The following GRIP1 variants were observed in gnomAD, a reference collection of about 807,000 sequenced individuals.
GRIP1 encodes the protein glutamate receptor interacting protein 1.
GRIP1 carries 45 observed loss-of-function variants against 129.9 expected under a neutral mutation model. The ratio of observed to expected loss-of-function variants is 0.35; its 90% CI spans 0.27 to 0.44. GRIP1 has a LOEUF of 0.44. GRIP1 is among the 20% of genes least tolerant of loss of function. The pLI, the probability that GRIP1 is intolerant of heterozygous loss-of-function variation, is 1.00. For synonymous variants in GRIP1, 530 were observed against 520.8 expected (o/e 1.02, Z -0.24); for missense variants, 1,196 against 1,396.8 (o/e 0.86, Z 2.29).
chr12:67,065,162 T>C (rs922323623), intron 1 of GRIP1: 1 of 151,006 alleles, frequency 6.6e-6, no homozygotes, highest in African/African-American at 2.4e-5. Context: ...GGTCCAAATA[T>C]CCACAAAAAA....
intron 2 of GRIP1, among the ~76,000 whole-genome samples, chr12:66,554,089 A>C (rs2062234358): frequency 6.6e-6 from 1 of 152,064 alleles, no homozygotes; most frequent in African/African-American, 2.4e-5. Flanking sequence ...TGGCTAAGGG[A>C]GTGCTTGCAC....
intron 7 of GRIP1, among the ~76,000 whole-genome samples, chr12:66,496,117 A>C (rs1320679810): frequency 6.6e-6 from 1 of 152,170 alleles, no homozygotes; most frequent in Admixed American, 6.5e-5. Flanking sequence ...CCACAAGCTT[A>C]AATGTGCCAG....
intron 7 of GRIP1, 74 bp from the exon 8 acceptor site, chr12:66,465,496 A>C: frequency 7.7e-7 from 1 of 1,290,890 alleles, no homozygotes; most frequent in Non-Finnish European, 1.1e-6. Flanking sequence ...AGAGATGAAG[A>C]ATATTCAGTT....
At chr12:66,953,948 G>T (rs1356285309) in intron 1 of GRIP1, among the ~76,000 whole-genome samples, 1 of 152,052 alleles carries the variant, frequency 6.6e-6, no homozygotes, top group Non-Finnish European at 1.5e-5. Flanking sequence ...GATTTCAACA[G>T]TGCTTTCCGA....
At chr12:67,061,102 T>C (rs550717157) in intron 1 of GRIP1, among the ~76,000 whole-genome samples, 6 of 152,352 alleles carry the variant, frequency 3.9e-5, no homozygotes, top group South Asian at 4.1e-4. Flanking sequence ...ACTTGAGTTA[T>C]TTTGTTACAA....
chr12:66,923,616 C>T (rs1253563948), intron 1 of GRIP1, among the ~76,000 whole-genome samples: 1 of 152,158 alleles, frequency 6.6e-6, no homozygotes, highest in Non-Finnish European at 1.5e-5. Flanking sequence ...ACAGCCGCCT[C>T]CACCAAATCC....
At chr12:66,796,277 A>G (rs919572335) in intron 1 of GRIP1, among the ~76,000 whole-genome samples, 1 of 151,686 alleles carries the variant, frequency 6.6e-6, no homozygotes, top group Non-Finnish European at 1.5e-5. Context: ...TTAAATCTAC[A>G]TTTTTCCTAT....
intron 1 of GRIP1, among the ~76,000 whole-genome samples, chr12:66,610,278 A>G (rs929710171): frequency 2.6e-5 from 4 of 152,144 alleles, no homozygotes; most frequent in Non-Finnish European, 5.9e-5. Flanking sequence ...AGATACACAC[A>G]TACACTTATA....
intron 2 of GRIP1, among the ~76,000 whole-genome samples, chr12:66,590,224 A>C (rs1283110214): frequency 6.6e-6 from 1 of 152,220 alleles, no homozygotes; most frequent in African/African-American, 2.4e-5. Context: ...ATCAAAGCAC[A>C]GTCACCACAA....
intron 1 of GRIP1, among the ~76,000 whole-genome samples, chr12:66,989,217 G>A (rs1426313709): frequency 1.3e-5 from 2 of 152,170 alleles, no homozygotes; most frequent in African/African-American, 4.8e-5. Flanking sequence ...GTGTTAATCT[G>A]ATACTCTTGT....
intron 1 of GRIP1, among the ~76,000 whole-genome samples, chr12:66,823,078 A>G (rs868328260): frequency 3.3e-5 from 5 of 152,342 alleles, no homozygotes; most frequent in Middle Eastern, 3.4e-3. Flanking sequence ...AATTAGTTCC[A>G]GCAAACCCTA....
At chr12:66,391,258 ACAAGGGATT>A (rs1406867657) in intron 19 of GRIP1, among the ~76,000 whole-genome samples, 1 of 152,232 alleles carries the variant, frequency 6.6e-6, no homozygotes, top group Non-Finnish European at 1.5e-5. Flanking sequence ...CCCAGAGCAA[ACAAGGGATT>A]CAGAGGCTGG....
At chr12:66,690,764 C>T (rs1173783202) in intron 1 of GRIP1, among the ~76,000 whole-genome samples, 2 of 149,380 alleles carry the variant, frequency 1.3e-5, no homozygotes, top group Non-Finnish European at 3.0e-5. Flanking sequence ...GACAAGTTCT[C>T]GCTATGTTGC....
At chr12:66,588,987 A>G (rs537573200) in intron 2 of GRIP1, among the ~76,000 whole-genome samples, 1,893 of 148,064 alleles carry the variant, frequency 0.013, 17 homozygotes, top group Non-Finnish European at 0.021. Flanking sequence ...AAAAAAAAAA[A>G]TTAAATAAAT....
At chr12:66,971,019 G>A (rs1280100405) in intron 1 of GRIP1, among the ~76,000 whole-genome samples, 4 of 152,084 alleles carry the variant, frequency 2.6e-5, no homozygotes, top group Non-Finnish European at 5.9e-5. Flanking sequence ...ACGGGTTTCC[G>A]GGAGGTAAAA....
intron 1 of GRIP1, among the ~76,000 whole-genome samples, chr12:66,707,805 T>C (rs1287013822): frequency 6.6e-6 from 1 of 151,988 alleles, no homozygotes; most frequent in Non-Finnish European, 1.5e-5. Context: ...CAAGGTCCCA[T>C]CAGTTTTAAA....
chr12:66,437,923 T>A (rs1282224513), intron 13 of GRIP1, among the ~76,000 whole-genome samples: 1 of 152,140 alleles, frequency 6.6e-6, no homozygotes, highest in African/African-American at 2.4e-5. Context: ...TCAACCGACC[T>A]AGGTCTACGA....
chr12:67,051,729 C>T (rs543833613), intron 1 of GRIP1, among the ~76,000 whole-genome samples: 48 of 152,274 alleles, frequency 3.2e-4, no homozygotes, highest in African/African-American at 1.1e-3. Context: ...AAACGCATCC[C>T]GTCAGATCCC....
chr12:66,685,355 T>C (rs1023242451), intron 1 of GRIP1, among the ~76,000 whole-genome samples: 3 of 151,584 alleles, frequency 2.0e-5, no homozygotes, highest in Non-Finnish European at 1.5e-5. Flanking sequence ...TAATAAGTAC[T>C]TTAATATAAA....
Sources: allele counts gnomAD v4.1 joint callset (sites outside exome capture counted in the v4.1 genomes callset), GRCh38; gene constraint gnomAD v4.1.1; transcripts MANE v1.5; gene names NCBI Gene and HGNC (gene_info 2026-07-23, HGNC 2026-07-21).